Variants in IL1RAPL1 observed in about 807,000 individuals in gnomAD.
The protein encoded by IL1RAPL1 is interleukin-1 receptor accessory protein-like 1.
In IL1RAPL1, 3 loss-of-function variants were observed where a neutral mutation model predicts 48.4. The ratio of observed to expected loss-of-function variants is 0.06; its 90% CI spans 0.03 to 0.16. The LOEUF (loss-of-function observed/expected upper bound fraction) is 0.16. IL1RAPL1 is among the 10% of genes least tolerant of loss of function. The pLI, the probability that IL1RAPL1 is intolerant of heterozygous loss-of-function variation, is 1.00. For missense variants in IL1RAPL1, 349 were observed against 530.6 expected (o/e 0.66, Z 3.36); for synonymous variants, 185 against 187.7 (o/e 0.99, Z 0.12).
At chrX:29,185,717 G>A (rs1162722780) in intron 2 of IL1RAPL1, among the ~76,000 whole-genome samples, 3 of 111,640 alleles carry the variant, frequency 2.7e-5, no homozygotes, top group African/African-American at 6.5e-5. Context: ...ACAGAGATAT[G>A]ATAAATCTAC....
chrX:29,880,345 A>C (rs749110414), intron 6 of IL1RAPL1, among the ~76,000 whole-genome samples: 1 of 112,210 alleles, frequency 8.9e-6, no homozygotes, highest in African/African-American at 3.2e-5. Flanking sequence ...TAAATAGCCC[A>C]TATAATTAAT....
intron 6 of IL1RAPL1, among the ~76,000 whole-genome samples, chrX:29,913,898 C>T (rs141476802): frequency 0.036 from 3,340 of 94,042 alleles, 118 homozygotes; most frequent in African/African-American, 0.12. Flanking sequence ...CTACTTGCCC[C>T]TCGTCTACAC....
chrX:29,714,563 G>C (rs1927433189), intron 6 of IL1RAPL1, among the ~76,000 whole-genome samples: 1 of 111,636 alleles, frequency 9.0e-6, no homozygotes, highest in Non-Finnish European at 1.9e-5. Context: ...TATGATATTT[G>C]GATATATTGG....
intron 3 of IL1RAPL1, among the ~76,000 whole-genome samples, chrX:29,379,718 C>G (rs1331594490): frequency 8.9e-6 from 1 of 111,847 alleles, no homozygotes; most frequent in African/African-American, 3.2e-5. Flanking sequence ...TCTCTTCAGC[C>G]TCAGTGCCTG....
At chrX:28,659,187 C>T (rs1934786780) in intron 1 of IL1RAPL1, 3 of 723,370 alleles carry the variant, frequency 4.1e-6, no homozygotes, top group Non-Finnish European at 6.4e-6. Flanking sequence ...GCCTCAGTTG[C>T]CTCCTGCAAA....
chrX:29,549,136 T>A (rs1921722805), intron 5 of IL1RAPL1, among the ~76,000 whole-genome samples: 1 of 112,050 alleles, frequency 8.9e-6, no homozygotes, highest in Admixed American at 9.4e-5. Context: ...TGGTTTCAGT[T>A]ACCTGAAGTC....
chrX:29,243,715 C>T (rs184350611), intron 2 of IL1RAPL1, among the ~76,000 whole-genome samples: 130 of 111,704 alleles, frequency 1.2e-3, no homozygotes, highest in Middle Eastern at 4.7e-3. Context: ...TTTCTAACAT[C>T]TTTTCTCTCA....
chrX:29,201,397 G>A (rs1930552219), intron 2 of IL1RAPL1, among the ~76,000 whole-genome samples: 1 of 110,305 alleles, frequency 9.1e-6, no homozygotes, highest in African/African-American at 3.3e-5. Flanking sequence ...CATTTTGTCA[G>A]TTTTTATAGT....
chrX:29,697,834 C>T (rs867899879), intron 6 of IL1RAPL1, among the ~76,000 whole-genome samples: 2 of 111,428 alleles, frequency 1.8e-5, no homozygotes, highest in Admixed American at 9.6e-5. Flanking sequence ...TTAGGAGTAC[C>T]GAAGTTGCTT....
At position 29,228,332 on chromosome X, in the gene IL1RAPL1, A is replaced by AGTGT. The variant is rs1555978439; in HGVS notation, c.83-54568_83-54565dup. ...TAAACACTGTAGTTTAGTTTTGCCT[A>AGTGT]GTGTGTGTGTGTGTGTGTGTGTGTG... is the stretch of plus-strand genomic sequence containing the variant. On this transcript the variant is annotated intron_variant, in intron 2 of 10. Coordinates refer to ENST00000378993, the MANE Select transcript of IL1RAPL1 (RefSeq NM_014271.4). Among the ~76,000 whole-genome samples, 543 of 79,546 alleles carry AGTGT rather than the reference A, an allele frequency of 6.8e-3. 1 individual carries two copies. Among genetic ancestry groups the AGTGT allele is most frequent in the African/African-American group, 0.014 (292 of 21,170 alleles). The allele number at this position is 79,546 out of a possible 115,157, so 69.1% of individuals were successfully genotyped here. A position where few individuals can be genotyped will look rare whatever the true frequency, so the allele number is the denominator to read the frequency against.
intron 2 of IL1RAPL1, among the ~76,000 whole-genome samples, chrX:29,132,535 C>T (rs759704766): frequency 8.9e-6 from 1 of 112,039 alleles, no homozygotes; most frequent in African/African-American, 3.2e-5. Flanking sequence ...GTAGGCTCTA[C>T]CATCTAGGTT....
intron 2 of IL1RAPL1, among the ~76,000 whole-genome samples, chrX:29,282,113 C>T (rs760042922): frequency 1.2e-4 from 13 of 111,683 alleles, no homozygotes; most frequent in Non-Finnish European, 1.9e-4. Flanking sequence ...CTCATCTCCA[C>T]GTACTGTCAT....
chrX:29,517,297 A>G (rs912709993), intron 5 of IL1RAPL1, among the ~76,000 whole-genome samples: 56 of 110,690 alleles, frequency 5.1e-4, no homozygotes, highest in Non-Finnish European at 4.2e-4. Flanking sequence ...TTCTATTTAT[A>G]GACATATATC....
intron 2 of IL1RAPL1, among the ~76,000 whole-genome samples, chrX:28,892,133 A>T (rs1922787342): frequency 9.0e-6 from 1 of 110,857 alleles, no homozygotes; most frequent in African/African-American, 3.3e-5. Context: ...CTCGCGTCCG[A>T]GTGAAGAGAC....
At chrX:28,954,128 A>G (rs1051591790) in intron 2 of IL1RAPL1, among the ~76,000 whole-genome samples, 3 of 111,798 alleles carry the variant, frequency 2.7e-5, no homozygotes, top group African/African-American at 9.7e-5. Flanking sequence ...AAGAAATGCA[A>G]TTGACATAGT....
intron 1 of IL1RAPL1, among the ~76,000 whole-genome samples, chrX:28,700,308 A>G (rs1173328292): frequency 9.0e-6 from 1 of 110,965 alleles, no homozygotes; most frequent in Non-Finnish European, 1.9e-5. Context: ...GATTATATAC[A>G]ATGAACATCC....
At chrX:28,861,606 A>C (rs910531495) in intron 2 of IL1RAPL1, among the ~76,000 whole-genome samples, 1 of 111,581 alleles carries the variant, frequency 9.0e-6, no homozygotes, top group Non-Finnish European at 1.9e-5. Context: ...GAGGCTACAT[A>C]AGAAATAGAA....
chrX:29,773,826 C>A (rs1441302406), intron 6 of IL1RAPL1, among the ~76,000 whole-genome samples: 1 of 111,221 alleles, frequency 9.0e-6, no homozygotes, highest in African/African-American at 3.3e-5. Flanking sequence ...TATGCTAAGG[C>A]CTGAACAAAT....
At chrX:29,548,007 C>A (rs1921682795) in intron 5 of IL1RAPL1, among the ~76,000 whole-genome samples, 1 of 112,245 alleles carries the variant, frequency 8.9e-6, no homozygotes, top group Non-Finnish European at 1.9e-5. Context: ...TAATCATATT[C>A]ATGCTCACTT....
Sources: allele counts gnomAD v4.1 joint callset (sites outside exome capture counted in the v4.1 genomes callset), GRCh38; gene constraint gnomAD v4.1.1; transcripts MANE v1.5; gene names NCBI Gene and HGNC (gene_info 2026-07-23, HGNC 2026-07-21).